The following AFG2A variants were observed in gnomAD, a reference collection of about 807,000 sequenced individuals.
AFG2A encodes AAA ATPase AFG2A.
the AFG2A span, chr4:122,938,261 A>G: frequency 6.4e-7 from 1 of 1,561,082 alleles, no homozygotes; most frequent in South Asian, 1.3e-5. Flanking sequence ...TAAGTATAGC[A>G]CTAGTATTGA....
the AFG2A span, among the ~76,000 whole-genome samples, chr4:123,054,496 A>G: frequency 1.3e-5 from 2 of 151,938 alleles, no homozygotes; most frequent in Non-Finnish European, 2.9e-5. Flanking sequence ...AGGCAGGCAG[A>G]TGACGAGGTC....
chr4:123,146,449 G>T, the AFG2A span, among the ~76,000 whole-genome samples: 2 of 152,162 alleles, frequency 1.3e-5, no homozygotes, highest in East Asian at 3.8e-4. Context: ...GACAAGATGG[G>T]TAAGGAAGTC....
chr4:123,103,215 CA>C, the AFG2A span, among the ~76,000 whole-genome samples: 6 of 151,970 alleles, frequency 3.9e-5, no homozygotes, highest in Admixed American at 1.3e-4. Context: ...TGAAGAAAAG[CA>C]AGAGAGTGTG....
At chr4:123,311,625 C>CAAAAAAAAAAA in the AFG2A span, among the ~76,000 whole-genome samples, 4 of 92,234 alleles carry the variant, frequency 4.3e-5, no homozygotes, top group Non-Finnish European at 6.3e-5. Flanking sequence ...GACTCTGTCT[C>CAAAAAAAAAAA]AAAAAAAAAA....
At chr4:123,204,148 C>T in the AFG2A span, among the ~76,000 whole-genome samples, 23 of 152,280 alleles carry the variant, frequency 1.5e-4, no homozygotes, top group East Asian at 1.3e-3. Flanking sequence ...AACTGATCAA[C>T]GACCTGGATT....
chr4:122,971,346 A>G, the AFG2A span, among the ~76,000 whole-genome samples: 3 of 152,164 alleles, frequency 2.0e-5, no homozygotes, highest in African/African-American at 4.8e-5. Flanking sequence ...GGTTGAGGCT[A>G]TAATGAGCTG....
the AFG2A span, among the ~76,000 whole-genome samples, chr4:122,939,153 T>G: frequency 2.3e-5 from 3 of 132,846 alleles, no homozygotes; most frequent in Non-Finnish European, 3.1e-5. Flanking sequence ...TGGCACAATC[T>G]CGGCTCACCG....
At chr4:123,165,653 T>G in the AFG2A span, among the ~76,000 whole-genome samples, 5 of 152,178 alleles carry the variant, frequency 3.3e-5, no homozygotes, top group Non-Finnish European at 5.9e-5. Context: ...AATGGTCTTC[T>G]TATTTTTCTG....
the AFG2A span, among the ~76,000 whole-genome samples, chr4:123,109,668 T>G: frequency 1.3e-5 from 2 of 152,152 alleles, no homozygotes; most frequent in African/African-American, 4.8e-5. Flanking sequence ...CTCAGCTGTT[T>G]TTTTCTGAGT....
At chr4:122,962,820 A>G in the AFG2A span, among the ~76,000 whole-genome samples, 1 of 152,182 alleles carries the variant, frequency 6.6e-6, no homozygotes, top group Non-Finnish European at 1.5e-5. Flanking sequence ...CTCTTAAAAA[A>G]ATTAACTACT....
chr4:123,115,197 G>A, the AFG2A span, among the ~76,000 whole-genome samples: 1 of 152,102 alleles, frequency 6.6e-6, no homozygotes, highest in South Asian at 2.1e-4. Context: ...CCCGGCTCTC[G>A]GTGGCAGCCT....
At chr4:123,118,348 A>G in the AFG2A span, among the ~76,000 whole-genome samples, 1 of 52,120 alleles carries the variant, frequency 1.9e-5, no homozygotes, top group African/African-American at 3.6e-5. Flanking sequence ...ATTATATTAT[A>G]TATATTATAT....
At chr4:122,933,551 C>T in the AFG2A span, 1 of 1,449,938 alleles carries the variant, frequency 6.9e-7, no homozygotes, top group Non-Finnish European at 9.6e-7. Context: ...AAGGCATCAG[C>T]AAATAAAGTG....
At chr4:122,976,160 C>T in the AFG2A span, among the ~76,000 whole-genome samples, 1 of 152,050 alleles carries the variant, frequency 6.6e-6, no homozygotes, top group African/African-American at 2.4e-5. Flanking sequence ...AGCTGGTGTT[C>T]CAGGATAACT....
chr4:123,058,612 C>T, the AFG2A span, among the ~76,000 whole-genome samples: 6 of 152,036 alleles, frequency 3.9e-5, no homozygotes, highest in Admixed American at 2.0e-4. Flanking sequence ...GCAACAAGAG[C>T]GAAACTCCAT....
the AFG2A span, among the ~76,000 whole-genome samples, chr4:123,070,744 C>T: frequency 2.3e-4 from 35 of 152,240 alleles, 1 homozygote; most frequent in South Asian, 5.4e-3. Context: ...TATGATCCTT[C>T]GCATGTTTTG....
chr4:123,098,559 T>C, the AFG2A span, among the ~76,000 whole-genome samples: 1 of 152,010 alleles, frequency 6.6e-6, no homozygotes, highest in Non-Finnish European at 1.5e-5. Context: ...ACCATTCTAC[T>C]TTCTGCTTTT....
chr4:123,293,044 CACA>C, the AFG2A span, among the ~76,000 whole-genome samples: 19 of 152,280 alleles, frequency 1.2e-4, no homozygotes, highest in East Asian at 3.3e-3. Flanking sequence ...GCCTCCCTGT[CACA>C]CTCATGTCGC....
At chr4:123,077,531 A>G in the AFG2A span, among the ~76,000 whole-genome samples, 4,068 of 152,210 alleles carry the variant, frequency 0.027, 93 homozygotes, top group Middle Eastern at 0.1. Flanking sequence ...TATTCACAGC[A>G]CAGCAAGCAG....
Sources: allele counts gnomAD v4.1 joint callset (sites outside exome capture counted in the v4.1 genomes callset), GRCh38; gene constraint gnomAD v4.1.1; transcripts MANE v1.5; gene names NCBI Gene and HGNC (gene_info 2026-07-23, HGNC 2026-07-21).